UFSP1: variants seen among roughly 807,000 people sequenced by gnomAD.
The protein encoded by UFSP1 is ufm1-specific protease 1.
For missense variants in UFSP1, 261 were observed against 182.7 expected, an observed-to-expected ratio of 1.43 and a Z score of -2.47; for synonymous variants, 119 against 77.6, an observed-to-expected ratio of 1.53 and a Z score of -2.81.
Position 100,889,089 on chromosome 7 carries a change from G to A in UFSP1, c.183C>T (p.Val61=). 1 of 1,613,596 alleles carries A rather than the reference G, an allele frequency of 6.2e-7. No individual in the cohort carries two copies. Among genetic ancestry groups the A allele is most frequent in the Middle Eastern group, 1.7e-4 (1 of 6,058 alleles). Residue 61 remains valine, a synonymous_variant, in exon 1 of 1, where the codon GTC becomes GTT. Transcript: ENST00000388761. ...TGGCATCTGCGTCCCCCCCAACCAT[G>A]ACTGGGCCCCCACCCCCTGCGAAGT...
rs1026810762 is a variant in UFSP1, at chr7:100,889,688, C to A, written c.-417G>T. The A allele has an allele frequency of 1.5e-5, 3 of 201,636 alleles. No homozygotes were observed. The highest frequency in any genetic ancestry group is 7.0e-5 in the African/African-American group (3 of 43,012). The allele number at this position is 201,636 out of a possible 1,614,324, so 12.5% of individuals were successfully genotyped here. A position where few individuals can be genotyped will look rare whatever the true frequency, so the allele number is the denominator to read the frequency against. ...GCAGGCCGCAATAGGCAGCCACCGA[C>A]CGGCACCGACCGAGGAGCTCCCACA... is the stretch of plus-strand genomic sequence containing the variant. On this transcript the variant is annotated 5_prime_UTR_variant, in exon 1 of 1. Coordinates refer to ENST00000388761, the MANE Select transcript of UFSP1 (RefSeq NM_001015072.4).
Position 100,889,468 on chromosome 7 carries a change from A to G in UFSP1, c.-197T>C, listed in dbSNP as rs1293551550. 1.1e-5 allele frequency: 6 copies of G among 527,408 alleles called. No homozygotes were observed. The South Asian group carries it at 1.3e-4, about 12-fold the overall frequency. 32.7% of individuals were successfully genotyped at this position (527,408 alleles called of 1,614,324 possible). The stretch of plus-strand genomic sequence containing the variant: ...GACAGGGCCGCGGCTCGGCGGGGAC[A>G]GGCCCACGTGGACGTCCCTCAGCGG... On this transcript the variant is annotated 5_prime_UTR_variant, in exon 1 of 1. Coordinates refer to ENST00000388761, the MANE Select transcript of UFSP1 (RefSeq NM_001015072.4).
At position 100,888,963 on chromosome 7, in the gene UFSP1, T is replaced by C. The variant is rs548137293; in HGVS notation, c.309A>G (p.Glu103=). 1 of 1,614,172 alleles carries C rather than the reference T, an allele frequency of 6.2e-7. No homozygotes were observed. The highest frequency in any genetic ancestry group is 1.1e-5 in the South Asian group (1 of 91,088). Residue 103 remains glutamate, a synonymous_variant, in exon 1 of 1, where the codon GAA becomes GAG. Transcript: ENST00000388761. Reference sequence around the variant, plus strand: ...AGCCCACCCACCCAGCAGCCTGTAGTTCACTGGGGCTTTTTGGAGTGCCCC... The same window carrying C: ...AGCCCACCCACCCAGCAGCCTGTAGCTCACTGGGGCTTTTTGGAGTGCCCC...
At position 100,889,083 on chromosome 7, in the gene UFSP1, A is replaced by G; in HGVS notation, c.189T>C (p.Val63=). The change falls in exon 1 of 1, where the codon GTT becomes GTC. Residue 63 remains valine, a synonymous_variant. Coordinates refer to ENST00000388761, the MANE Select transcript of UFSP1 (RefSeq NM_001015072.4). ...TGGACCTGGCATCTGCGTCCCCCCC[A>G]ACCATGACTGGGCCCCCACCCCCTG... is the stretch of plus-strand genomic sequence containing the variant. 6.2e-7 allele frequency: 1 copy of G among 1,612,530 alleles called. No homozygotes were observed. The highest frequency in any genetic ancestry group is 8.5e-7 in the Non-Finnish European group (1 of 1,179,062).
Position 100,888,897 on chromosome 7 carries a change from G to A in UFSP1, c.375C>T (p.Tyr125=). The A allele has an allele frequency of 1.2e-6, 2 of 1,614,144 alleles. No homozygotes were observed. The highest frequency in any genetic ancestry group is 1.7e-6 in the Non-Finnish European group (2 of 1,180,012). Residue 125 remains tyrosine (Y), a synonymous_variant, in exon 1 of 1, where the codon TAC becomes TAT. Coordinates refer to ENST00000388761, the MANE Select transcript of UFSP1 (RefSeq NM_001015072.4). Reference sequence around the variant, plus strand: ...AGCTAAGGCTGGTCAAGCACAGGTTGTAGAAGGAGTTGGGGTCAAAGGCTG... The same window carrying A: ...AGCTAAGGCTGGTCAAGCACAGGTTATAGAAGGAGTTGGGGTCAAAGGCTG...
chr7:100,889,541 C>T lies in UFSP1; in HGVS notation c.-270G>A. ...GGAGGTCCCAGGCCAGGCACAGCGT[C>T]CTCCTAGCGGCGCGGAGCGACCTCA... On this transcript the variant is annotated 5_prime_UTR_variant, in exon 1 of 1. Transcript: ENST00000388761. The T allele has an allele frequency of 2.3e-6, 1 of 443,678 alleles. No homozygotes were observed. The highest frequency in any genetic ancestry group is 5.6e-5 in the South Asian group (1 of 17,768). The allele number at this position is 443,678 out of a possible 1,614,324, so 27.5% of individuals were successfully genotyped here.
chr7:100,889,087 AT>A lies in UFSP1; in HGVS notation c.184del (p.Met62TrpfsTer18). ...CCTGGCATCTGCGTCCCCCCCAACC[AT>A]GACTGGGCCCCCACCCCCTGCGAAG... On this transcript the variant is annotated frameshift_variant, in exon 1 of 1. Coordinates refer to ENST00000388761, the MANE Select transcript of UFSP1 (RefSeq NM_001015072.4). LOFTEE classifies it low-confidence loss of function (END_TRUNC). 6.2e-7 allele frequency: 1 copy of A among 1,612,110 alleles called. No homozygotes were observed. The highest frequency in any genetic ancestry group is 8.5e-7 in the Non-Finnish European group (1 of 1,178,802).
rs759879231 is a variant in UFSP1, at chr7:100,889,242, G to A, written c.30C>T (p.Gly10=). 4.5e-5 allele frequency: 70 copies of A among 1,552,122 alleles called. 1 individual carries two copies. In the African/African-American group the frequency reaches 8.5e-4, roughly 19 times the overall value. The change falls in exon 1 of 1, where the codon GGC becomes GGT. Residue 10 remains glycine (G), a synonymous_variant. Coordinates refer to ENST00000388761, the MANE Select transcript of UFSP1 (RefSeq NM_001015072.4). ...CCACGCAGCCGATCCAGTCCCGGGA[G>A]CCCCGGAAGCCGGGGGGCTTGTCGC...
Position 100,889,353 on chromosome 7 carries a change from A to G in UFSP1, c.-82T>C. On this transcript the variant is annotated 5_prime_UTR_variant, in exon 1 of 1. Coordinates refer to ENST00000388761, the MANE Select transcript of UFSP1 (RefSeq NM_001015072.4). ...CTGGCCACGAGCACAGCGTCTGCAGAGTGCGGTAGCCGCAGCCCCAGCCGC... is the reference window on the plus strand; with the variant it reads ...CTGGCCACGAGCACAGCGTCTGCAGGGTGCGGTAGCCGCAGCCCCAGCCGC... 1 of 1,268,394 alleles carries G rather than the reference A, an allele frequency of 7.9e-7. No homozygotes were observed. The highest frequency in any genetic ancestry group is 2.6e-5 in the East Asian group (1 of 38,012). The allele number at this position is 1,268,394 out of a possible 1,614,324, so 78.6% of individuals were successfully genotyped here.
In UFSP1 at chr7:100,889,478, G is replaced by A. The variant is rs892739231; in HGVS notation, c.-207C>T. The A allele has an allele frequency of 1.4e-4, 73 of 511,088 alleles. No individual in the cohort carries two copies. Among genetic ancestry groups the A allele is most frequent in the Non-Finnish European group, 2.4e-4 (71 of 293,094 alleles). 31.7% of individuals were successfully genotyped at this position (511,088 alleles called of 1,614,324 possible). On this transcript the variant is annotated 5_prime_UTR_variant, in exon 1 of 1. Coordinates refer to ENST00000388761, the MANE Select transcript of UFSP1 (RefSeq NM_001015072.4). Reference sequence around the variant, plus strand: ...CGGCTCGGCGGGGACAGGCCCACGTGGACGTCCCTCAGCGGCTCCAGGGCG... The same window carrying A: ...CGGCTCGGCGGGGACAGGCCCACGTAGACGTCCCTCAGCGGCTCCAGGGCG...
Position 100,888,780 on chromosome 7 carries a change from A to G in UFSP1, c.*63T>C. 5 of 1,561,466 alleles carry G rather than the reference A, an allele frequency of 3.2e-6. No homozygotes were observed. Among genetic ancestry groups the G allele is most frequent in the South Asian group, 1.2e-5 (1 of 83,478 alleles). ...CAAAAGCGCCAGGCTTTGCAGGGACACCAGTGGGAGGTACATAGGTGCGTG... is the reference window on the plus strand; with the variant it reads ...CAAAAGCGCCAGGCTTTGCAGGGACGCCAGTGGGAGGTACATAGGTGCGTG... On this transcript the variant is annotated 3_prime_UTR_variant, in exon 1 of 1. Coordinates refer to ENST00000388761, the MANE Select transcript of UFSP1 (RefSeq NM_001015072.4).
At position 100,889,601 on chromosome 7, in the gene UFSP1, G is replaced by A; in HGVS notation, c.-330C>T. The A allele has an allele frequency of 3.0e-6, 1 of 329,338 alleles. No individual in the cohort carries two copies. Among genetic ancestry groups the A allele is most frequent in the East Asian group, 5.3e-5 (1 of 18,998 alleles). The allele number at this position is 329,338 out of a possible 1,614,324, so 20.4% of individuals were successfully genotyped here. A position where few individuals can be genotyped will look rare whatever the true frequency, so the allele number is the denominator to read the frequency against. ...ACTTCCTTTCGGCTCCGGGTCTTGG[G>A]CCAGCTGCCGCAGGACCGGCGCGCA... On this transcript the variant is annotated 5_prime_UTR_variant, in exon 1 of 1. Coordinates refer to ENST00000388761, the MANE Select transcript of UFSP1 (RefSeq NM_001015072.4).
rs2115943343 is a variant in UFSP1 at position 100,889,351 on chromosome 7, A to G, written c.-80T>C. ...CTCTGGCCACGAGCACAGCGTCTGC[A>G]GAGTGCGGTAGCCGCAGCCCCAGCC... On this transcript the variant is annotated 5_prime_UTR_variant, in exon 1 of 1. Transcript: ENST00000388761. 2.4e-6 allele frequency: 3 copies of G among 1,267,904 alleles called. No homozygotes were observed. The East Asian group carries it at 7.9e-5, about 33-fold the overall frequency. The allele number at this position is 1,267,904 out of a possible 1,614,324, so 78.5% of individuals were successfully genotyped here. A position where few individuals can be genotyped will look rare whatever the true frequency, so the allele number is the denominator to read the frequency against.
In UFSP1 at chr7:100,889,560, G is replaced by T. The variant is rs923494745; in HGVS notation, c.-289C>A. The stretch of plus-strand genomic sequence containing the variant: ...CAGCGTCCTCCTAGCGGCGCGGAGC[G>T]ACCTCAGGCTCCAACACTTCCTTTC... On this transcript the variant is annotated 5_prime_UTR_variant, in exon 1 of 1. Transcript: ENST00000388761. 2 of 425,088 alleles carry T rather than the reference G, an allele frequency of 4.7e-6. No homozygotes were observed. The highest frequency in any genetic ancestry group is 4.4e-5 in the Admixed American group (1 of 22,756). 26.3% of individuals were successfully genotyped at this position (425,088 alleles called of 1,614,324 possible).
At position 100,889,082 on chromosome 7, in the gene UFSP1, C is replaced by G; in HGVS notation, c.190G>C (p.Gly64Arg). ...TTGGACCTGGCATCTGCGTCCCCCC[C>G]AACCATGACTGGGCCCCCACCCCCT... Residue 64 changes from glycine (G) to arginine (R), a missense_variant, in exon 1 of 1, where the codon GGG (glycine) becomes CGG (arginine). Physicochemically the swap from Gly to Arg is moderately radical, Grantham distance 125. Transcript: ENST00000388761. 6 of 1,613,882 alleles carry G rather than the reference C, an allele frequency of 3.7e-6. No homozygotes were observed. The highest frequency in any genetic ancestry group is 5.1e-6 in the Non-Finnish European group (6 of 1,179,918).
Position 100,889,394 on chromosome 7 carries a change from C to A in UFSP1, c.-123G>T. ...CCCCAGCCGCGGTCGTCCAGGCCGT[C>A]GCAGCCGTAGTGGTAGTAGAGGTAG... On this transcript the variant is annotated 5_prime_UTR_variant, in exon 1 of 1. Coordinates refer to ENST00000388761, the MANE Select transcript of UFSP1 (RefSeq NM_001015072.4). 1 of 852,280 alleles carries A rather than the reference C, an allele frequency of 1.2e-6. No individual in the cohort carries two copies. Among genetic ancestry groups the A allele is most frequent in the East Asian group, 2.9e-5 (1 of 34,820 alleles). 52.8% of individuals were successfully genotyped at this position (852,280 alleles called of 1,614,324 possible).
In UFSP1 at chr7:100,888,736, C is replaced by T; in HGVS notation, c.*107G>A. On this transcript the variant is annotated 3_prime_UTR_variant, in exon 1 of 1. Transcript: ENST00000388761. ...ACTCCTGAGGTGTTGCTCAGCCCTGCCACTTTTATTATTGATGTCAAAAGC... is the reference window on the plus strand; with the variant it reads ...ACTCCTGAGGTGTTGCTCAGCCCTGTCACTTTTATTATTGATGTCAAAAGC... 2 of 1,490,428 alleles carry T rather than the reference C, an allele frequency of 1.3e-6. No homozygotes were observed. The highest frequency in any genetic ancestry group is 9.3e-7 in the Non-Finnish European group (1 of 1,079,488). 92.3% of individuals were successfully genotyped at this position (1,490,428 alleles called of 1,614,324 possible). A position where few individuals can be genotyped will look rare whatever the true frequency, so the allele number is the denominator to read the frequency against.
chr7:100,888,936 C>A lies in UFSP1; in HGVS notation c.336G>T (p.Trp112Cys). The A allele has an allele frequency of 6.2e-7, 1 of 1,614,200 alleles. No individual in the cohort carries two copies. The highest frequency in any genetic ancestry group is 8.5e-7 in the Non-Finnish European group (1 of 1,180,038). Reference sequence around the variant, plus strand: ...GGTCAAAGGCTGCACTCACCTCTTGCCAGCCCACCCACCCAGCAGCCTGTA... The same window carrying A: ...GGTCAAAGGCTGCACTCACCTCTTGACAGCCCACCCACCCAGCAGCCTGTA... Residue 112 changes from tryptophan to cysteine, a missense_variant, in exon 1 of 1, where the codon TGG becomes TGT. Coordinates refer to ENST00000388761, the MANE Select transcript of UFSP1 (RefSeq NM_001015072.4).
chr7:100,889,373 A>T lies in UFSP1; in HGVS notation c.-102T>A. 2 of 1,072,784 alleles carry T rather than the reference A, an allele frequency of 1.9e-6. No individual in the cohort carries two copies. The highest frequency in any genetic ancestry group is 2.6e-6 in the Non-Finnish European group (2 of 776,138). 66.5% of individuals were successfully genotyped at this position (1,072,784 alleles called of 1,614,324 possible). A position where few individuals can be genotyped will look rare whatever the true frequency, so the allele number is the denominator to read the frequency against. ...TGCAGAGTGCGGTAGCCGCAGCCCC[A>T]GCCGCGGTCGTCCAGGCCGTCGCAG... On this transcript the variant is annotated 5_prime_UTR_variant, in exon 1 of 1. Transcript: ENST00000388761.
Sources: allele counts gnomAD v4.1 joint callset, GRCh38; gene constraint gnomAD v4.1.1; transcripts MANE v1.5; gene names NCBI Gene and HGNC (gene_info 2026-07-23, HGNC 2026-07-21).